Variants in GBP4 observed in about 807,000 individuals in gnomAD.
GBP4 encodes guanylate binding protein 4, also known as guanylate-binding protein 4.
A neutral mutation model predicts 62.2 loss-of-function variants in GBP4; 69 were observed. The ratio of observed to expected loss-of-function variants is 1.11; its 90% confidence interval spans 0.91 to 1.36. The LOEUF is 1.36. Ranked by LOEUF, GBP4 falls within the 40% of genes most tolerant of loss-of-function variation. The pLI is 0.00. For missense variants in GBP4, 697 were observed against 759.3 expected (o/e 0.92, Z 0.96); for synonymous variants, 278 against 274.6 (o/e 1.01, Z -0.12).
At chr1:89,198,010 A>G (rs1276049578) in intron 1 of GBP4, among the ~76,000 whole-genome samples, 1 of 151,998 alleles carries the variant, frequency 6.6e-6, no homozygotes, top group East Asian at 1.9e-4. Flanking sequence ...TTTGGTTTAG[A>G]AAGGAGAGGT....
intron 8 of GBP4, 142 bp downstream of exon 8, chr1:89,188,440 A>G (rs1173706585): frequency 1.6e-5 from 11 of 705,352 alleles, no homozygotes; most frequent in Non-Finnish European, 2.0e-5. Context: ...CTAACTGTGG[A>G]TTTAAATACT....
In GBP4 at chr1:89,197,117, C is replaced by G; in HGVS notation, c.228G>C (p.Lys76Asn). 3 of 1,611,772 alleles carry G rather than the reference C, an allele frequency of 1.9e-6. No homozygotes were observed. The highest frequency in any genetic ancestry group is 2.5e-6 in the Non-Finnish European group (3 of 1,178,526). The change falls in exon 2 of 11, where the codon AAG (lysine) becomes AAC (asparagine). Residue 76 changes from lysine to asparagine, a missense_variant. Lys to Asn is a moderately conservative substitution (Grantham distance 94, BLOSUM62 0). Transcript: ENST00000355754. ...TCCTAGGACCACACTCACCATTGCG[C>G]TTTCCTGCAAGACGATTCATGAGAT... ...KSYLMNRLAG[K>N]RNGFPLGSTV...
At chr1:89,198,638 G>A in intron 1 of GBP4, 157 bp downstream of exon 1, 1 of 706,676 alleles carries the variant, frequency 1.4e-6, no homozygotes, top group Non-Finnish European at 2.5e-6. Flanking sequence ...AGGGGTTCAA[G>A]CAGCATCAGA....
intron 3 of GBP4, 82 bp downstream of exon 3, chr1:89,195,215 A>C (rs1303043053): frequency 7.4e-7 from 1 of 1,358,724 alleles, no homozygotes; most frequent in Non-Finnish European, 1.0e-6. Context: ...GAGTTTACAG[A>C]GATATGTACA....
chr1:89,195,906 C>T (rs1648325382), intron 2 of GBP4, among the ~76,000 whole-genome samples: 1 of 152,180 alleles, frequency 6.6e-6, no homozygotes, highest in Non-Finnish European at 1.5e-5. Flanking sequence ...TGCAACAATA[C>T]ATTCTACAGG....
chr1:89,192,842 G>T, intron 5 of GBP4, 62 bp downstream of exon 5: 1 of 1,475,296 alleles, frequency 6.8e-7, no homozygotes, highest in Non-Finnish European at 9.3e-7. Flanking sequence ...GTGCTGAATA[G>T]CAGGTCTTAG....
rs943110871 is a variant in GBP4 at position 89,184,153 on chromosome 1, T to C, written c.*1101A>G. On this transcript the variant is annotated 3_prime_UTR_variant, in exon 11 of 11. Transcript: ENST00000355754. Reference sequence around the variant, plus strand: ...AATCACTACAGAAATGCATACCATCTCACACCAGTCAGAATGGCTGTTACT... The same window carrying C: ...AATCACTACAGAAATGCATACCATCCCACACCAGTCAGAATGGCTGTTACT... 6 of 152,184 alleles carry C rather than the reference T, an allele frequency of 3.9e-5. No individual in the cohort carries two copies. The highest frequency in any genetic ancestry group is 1.4e-4 in the African/African-American group (6 of 41,452). The allele number at this position is 152,184 out of a possible 1,614,324, so 9.4% of individuals were successfully genotyped here.
Position 89,186,493 on chromosome 1 carries a change from T to C in GBP4, c.1547A>G (p.Glu516Gly). The C allele has an allele frequency of 6.2e-7, 1 of 1,614,168 alleles. No individual in the cohort carries two copies. The highest frequency in any genetic ancestry group is 8.5e-7 in the Non-Finnish European group (1 of 1,180,028). The change falls in exon 10 of 11, where the codon GAA becomes GGA. Residue 516 changes from glutamate (E) to glycine (G), a missense_variant. Around this residue, in one of 2 missense-constraint regions of GBP4, gnomAD observed 141 missense variants for 196.6 expected, o/e 0.72. Coordinates refer to ENST00000355754, the MANE Select transcript of GBP4 (RefSeq NM_052941.5). ...ERAMKEAAEK[E>G]QELLREKQKE... ...CTGTTTTTCTCTTAGCAGCTCCTGTTCCTTCTCAGCTGCTTCCTTCATGGC... is the reference window on the plus strand; with the variant it reads ...CTGTTTTTCTCTTAGCAGCTCCTGTCCCTTCTCAGCTGCTTCCTTCATGGC...
At chr1:89,192,399 G>T (rs545624967) in intron 5 of GBP4, among the ~76,000 whole-genome samples, 1 of 151,974 alleles carries the variant, frequency 6.6e-6, no homozygotes, top group East Asian at 1.9e-4. Flanking sequence ...TTCCTGGATC[G>T]TTTGCTGTAT....
In GBP4 at chr1:89,197,284, T is replaced by C; in HGVS notation, c.61A>G (p.Ile21Val). The change falls in exon 2 of 11, where the codon ATC (isoleucine) becomes GTC (valine). Residue 21 changes from isoleucine (I) to valine (V), a missense_variant. By Grantham distance (29) the Ile-to-Val change is conservative (BLOSUM62 3). Transcript: ENST00000355754. ...PTPGYPESES[I>V]MMAPICLVEN... Reference sequence around the variant, plus strand: ...ACTAGACAAATGGGGGCCATCATGATGGATTCAGATTCTGGATAACCTGTA... The same window carrying C: ...ACTAGACAAATGGGGGCCATCATGACGGATTCAGATTCTGGATAACCTGTA... The C allele has an allele frequency of 1.2e-6, 2 of 1,614,040 alleles. No homozygotes were observed. The highest frequency in any genetic ancestry group is 8.5e-7 in the Non-Finnish European group (1 of 1,179,916).
intron 8 of GBP4, among the ~76,000 whole-genome samples, chr1:89,187,702 A>C (rs889936874): frequency 6.6e-6 from 1 of 152,226 alleles, no homozygotes; most frequent in Non-Finnish European, 1.5e-5. Context: ...ACTTTCGTCA[A>C]AAGAAGACCT....
chr1:89,195,318 C>T lies in GBP4; in HGVS notation c.342G>A (p.Glu114=), dbSNP rs1175355822. ...TTACCTTTTCTACATCGCCCAGGCC[C>T]TCGGTGTCCAGAAGGACCAGGGTGT... is the stretch of plus-strand genomic sequence containing the variant. ...PNHTLVLLDT[E]GLGDVEKSNP... is the part of the protein sequence containing the mutation. The change falls in exon 3 of 11, where the codon GAG becomes GAA. Residue 114 remains glutamate, a synonymous_variant. Transcript: ENST00000355754. 1.2e-6 allele frequency: 2 copies of T among 1,613,856 alleles called. No homozygotes were observed. Among genetic ancestry groups the T allele is most frequent in the African/African-American group, 2.7e-5 (2 of 74,908 alleles).
In GBP4 at chr1:89,195,343, TG is replaced by T. The variant is rs1557476566; in HGVS notation, c.316del (p.His106ThrfsTer14). The T allele has an allele frequency of 6.2e-7, 1 of 1,613,970 alleles. No homozygotes were observed. Among genetic ancestry groups the T allele is most frequent in the East Asian group, 2.2e-5 (1 of 44,864 alleles). ...WCVPHLSKPN[H>X]TLVLLDTEGL... Reference sequence around the variant, plus strand: ...CTCGGTGTCCAGAAGGACCAGGGTGTGGTTTGGCTTAGAGAGGTGGGGCACA... The same window carrying T: ...CTCGGTGTCCAGAAGGACCAGGGTGTGTTTGGCTTAGAGAGGTGGGGCACA... On this transcript the variant is annotated frameshift_variant, in exon 3 of 11. Transcript: ENST00000355754. LOFTEE classifies it high-confidence loss of function.
Position 89,186,524 on chromosome 1 carries a change from C to A in GBP4, c.1516G>T (p.Glu506Ter). ...TCAGCTGCTTCCTTCATGGCCCGCT[C>A]CGCTATTCCACAAAGGTTTTAGAGA... is the stretch of plus-strand genomic sequence containing the variant. ...LTAGEKAIAAERAMKEAAEKE... is the reference protein window; with the variant it reads ...LTAGEKAIAA The change falls in exon 10 of 11, where the codon GAG (glutamate) becomes TAG (stop). Residue 506 changes from glutamate (E) to a stop codon, truncating the protein, a stop_gained and splice_region_variant. Transcript: ENST00000355754. LOFTEE classifies it high-confidence loss of function. 6.2e-7 allele frequency: 1 copy of A among 1,613,622 alleles called. No homozygotes were observed. Among genetic ancestry groups the A allele is most frequent in the Admixed American group, 1.7e-5 (1 of 59,938 alleles).
At position 89,191,528 on chromosome 1, in the gene GBP4, G is replaced by A. The variant is rs779990317; in HGVS notation, c.671-22C>T. ...TTGCCTGTGGAATTGTAAAAAAGAG[G>A]GCTCATTGAAGAGACAGCCTGCAGG... is the stretch of plus-strand genomic sequence containing the variant. On this transcript the variant is annotated intron_variant, in intron 5 of 10. Coordinates refer to ENST00000355754, the MANE Select transcript of GBP4 (RefSeq NM_052941.5). 7 of 1,604,848 alleles carry A rather than the reference G, an allele frequency of 4.4e-6. No individual in the cohort carries two copies. In the African/African-American group the frequency reaches 6.7e-5, roughly 15 times the overall value.
chr1:89,191,418 C>G lies in GBP4; in HGVS notation c.759G>C (p.Arg253=). ...TTAAATATTGCTTGTCATTTGTAGG[C>G]CGGTCAAAGACAAAGCACTTCCGTT... is the stretch of plus-strand genomic sequence containing the variant. ...FRKRKCFVFD[R]PTNDKQYLNH... is the part of the protein sequence containing the mutation. The change falls in exon 6 of 11, where the codon CGG becomes CGC. Residue 253 remains arginine, a synonymous_variant. Coordinates refer to ENST00000355754, the MANE Select transcript of GBP4 (RefSeq NM_052941.5). 6.2e-7 allele frequency: 1 copy of G among 1,614,178 alleles called. No individual in the cohort carries two copies. Among genetic ancestry groups the G allele is most frequent in the Non-Finnish European group, 8.5e-7 (1 of 1,180,020 alleles).
At chr1:89,197,400 G>C (rs532911245) in intron 1 of GBP4, 96 bp from the exon 2 acceptor site, 33 of 877,652 alleles carry the variant, frequency 3.8e-5, no homozygotes, top group Non-Finnish European at 5.6e-5. Context: ...TTTGCTTGTG[G>C]AATGGTATAT....
Position 89,185,350 on chromosome 1 carries a change from C to A in GBP4, c.1827G>T (p.Lys609Asn), listed in dbSNP as rs1405310903. The stretch of plus-strand genomic sequence containing the variant: ...TTATGTTGCTAGCCATGTCAAGGAT[C>A]TTTAAGAGCCTTAACTGTTCATTTT... ...STKNEQLRLL[K>N]ILDMASNIMI... Residue 609 changes from lysine to asparagine, a missense_variant, in exon 11 of 11, where the codon AAG becomes AAT. Around this residue, in one of 2 missense-constraint regions of GBP4, gnomAD observed 141 missense variants for 196.6 expected, o/e 0.72. Transcript: ENST00000355754. The A allele has an allele frequency of 6.2e-7, 1 of 1,611,884 alleles. No individual in the cohort carries two copies. Among genetic ancestry groups the A allele is most frequent in the Admixed American group, 1.7e-5 (1 of 60,020 alleles).
chr1:89,186,592 C>G, intron 9 of GBP4, 66 bp from the exon 10 acceptor site: 1 of 1,437,970 alleles, frequency 7.0e-7, no homozygotes, highest in South Asian at 1.3e-5. Context: ...CCCTCCTGAG[C>G]TCAGATCAAA....
Sources: allele counts gnomAD v4.1 joint callset (sites outside exome capture counted in the v4.1 genomes callset), GRCh38; gene constraint gnomAD v4.1.1; regional missense constraint gnomAD v4.1.1; transcripts MANE v1.5; gene names NCBI Gene and HGNC (gene_info 2026-07-23, HGNC 2026-07-21).